The following IL1RAPL1 variants were observed in gnomAD, a reference collection of about 807,000 sequenced individuals.
IL1RAPL1 encodes interleukin 1 receptor accessory protein like 1.
Under a neutral mutation model 48.4 loss-of-function variants are expected in IL1RAPL1, and 3 were observed. The ratio of observed to expected loss-of-function variants is 0.06; its 90% CI spans 0.03 to 0.16. The LOEUF (loss-of-function observed/expected upper bound fraction) is 0.16, where lower values mean the gene tolerates loss of function less well. Ranked by LOEUF, IL1RAPL1 falls within the 10% of genes least tolerant of loss-of-function variation. The probability of loss-of-function intolerance (pLI) is 1.00; values close to 1 mark genes in which losing one functional copy is unlikely to be tolerated. For synonymous variants in IL1RAPL1, 185 were observed against 187.7 expected (o/e 0.99, Z 0.12); for missense variants, 349 against 530.6 (o/e 0.66, Z 3.36).
intron 2 of IL1RAPL1, among the ~76,000 whole-genome samples, chrX:29,180,351 A>G (rs1019874416): frequency 2.7e-5 from 3 of 110,214 alleles, no homozygotes; most frequent in Non-Finnish European, 3.8e-5. Context: ...GTACTTCTCT[A>G]TTTTCAAGAA....
intron 2 of IL1RAPL1, among the ~76,000 whole-genome samples, chrX:28,881,604 G>A (rs561763951): frequency 9.0e-6 from 1 of 111,290 alleles, no homozygotes; most frequent in Non-Finnish European, 1.9e-5. Context: ...AAAGATGCTC[G>A]ATGAGCTAAG....
chrX:29,801,957 A>T (rs1398242930), intron 6 of IL1RAPL1, among the ~76,000 whole-genome samples: 2 of 112,548 alleles, frequency 1.8e-5, no homozygotes, highest in African/African-American at 6.5e-5. Context: ...TACAGGAAAT[A>T]TAATTCTATT....
chrX:29,001,924 T>G (rs182714970), intron 2 of IL1RAPL1, among the ~76,000 whole-genome samples: 2 of 103,987 alleles, frequency 1.9e-5, no homozygotes, highest in Admixed American at 2.1e-4. Flanking sequence ...TTTAACGGAG[T>G]CTGGCTTCGT....
At chrX:28,878,193 A>G (rs1005316833) in intron 2 of IL1RAPL1, among the ~76,000 whole-genome samples, 1 of 111,967 alleles carries the variant, frequency 8.9e-6, no homozygotes, top group African/African-American at 3.2e-5. Flanking sequence ...TGAGCACTGC[A>G]TATGCTTACT....
Position 29,608,387 on chromosome X carries a change from CA to C in IL1RAPL1, c.704-60032del, listed in dbSNP as rs372371455. ...GGTATTACCATCATAGAAGGGGTTT[CA>C]AAAAAAAAAAGGAAGGAAGGAAGGA... On this transcript the variant is annotated intron_variant, in intron 5 of 10. Transcript: ENST00000378993. 8.7e-3 allele frequency among the ~76,000 whole-genome samples: 544 copies of C among 62,349 alleles called. 2 individuals carry two copies. Among genetic ancestry groups the C allele is most frequent in the African/African-American group, 0.024 (446 of 18,219 alleles). 54.1% of individuals were successfully genotyped at this position (62,349 alleles called of 115,157 possible). A position where few individuals can be genotyped will look rare whatever the true frequency, so the allele number is the denominator to read the frequency against.
chrX:29,230,048 A>G (rs771524204), intron 2 of IL1RAPL1, among the ~76,000 whole-genome samples: 1 of 111,943 alleles, frequency 8.9e-6, no homozygotes, highest in Admixed American at 9.5e-5. Flanking sequence ...GACTCAACCC[A>G]TCACAAGAAA....
intron 3 of IL1RAPL1, among the ~76,000 whole-genome samples, chrX:29,335,085 C>G (rs1380332636): frequency 4.5e-5 from 5 of 111,343 alleles, no homozygotes. Flanking sequence ...ACCAGCCCGG[C>G]CAACACAGCA....
Position 28,760,379 on chromosome X carries a change from G to T in IL1RAPL1, c.-24-28941G>T, listed in dbSNP as rs967939960. Among the ~76,000 whole-genome samples the T allele has an allele frequency of 1.3e-4, 14 of 111,383 alleles. No individual in the cohort carries two copies. In the Admixed American group the frequency reaches 1.3e-3, roughly 11 times the overall value. On this transcript the variant is annotated intron_variant, in intron 1 of 10. Coordinates refer to ENST00000378993, the MANE Select transcript of IL1RAPL1 (RefSeq NM_014271.4). ...AATCACAAAAATGAATAGGAAACAG[G>T]GGTCATTGACAATTTGTAGGTCAAC...
At chrX:29,876,462 T>A (rs1264334473) in intron 6 of IL1RAPL1, among the ~76,000 whole-genome samples, 5 of 111,319 alleles carry the variant, frequency 4.5e-5, no homozygotes, top group Non-Finnish European at 9.4e-5. Flanking sequence ...GCCTGGAAAA[T>A]TGCAGTAAAA....
At chrX:29,639,112 G>C (rs915722472) in intron 5 of IL1RAPL1, among the ~76,000 whole-genome samples, 8 of 108,875 alleles carry the variant, frequency 7.3e-5, no homozygotes, top group African/African-American at 2.4e-4. Context: ...CGTGAACCCA[G>C]GAGGCGGAGC....
intron 2 of IL1RAPL1, among the ~76,000 whole-genome samples, chrX:28,988,899 A>G (rs1166393992): frequency 1.8e-5 from 2 of 111,652 alleles, no homozygotes; most frequent in Non-Finnish European, 3.8e-5. Context: ...ATCTGTATAT[A>G]TAATTCCACA....
intron 6 of IL1RAPL1, among the ~76,000 whole-genome samples, chrX:29,748,755 T>C (rs912215532): frequency 5.4e-5 from 6 of 110,305 alleles, no homozygotes; most frequent in African/African-American, 2.0e-4. Context: ...AATATGAAGA[T>C]GACTTCATCA....
chrX:29,203,580 G>A (rs891581387), intron 2 of IL1RAPL1, among the ~76,000 whole-genome samples: 6 of 108,620 alleles, frequency 5.5e-5, no homozygotes, highest in African/African-American at 1.0e-4. Flanking sequence ...TTAGTTGGGC[G>A]TAGTGGCGCA....
At chrX:29,447,317 G>A (rs1307646187) in intron 5 of IL1RAPL1, among the ~76,000 whole-genome samples, 19 of 107,555 alleles carry the variant, frequency 1.8e-4, no homozygotes, top group African/African-American at 5.4e-4. Context: ...AATTATATGC[G>A]CCTCATATTG....
At position 29,407,599 on chromosome X, in the gene IL1RAPL1, C is replaced by G. The variant is rs188757638; in HGVS notation, c.703+8291C>G. On this transcript the variant is annotated intron_variant, in intron 5 of 10. Transcript: ENST00000378993. ...ACCGTCTTATGTACACACATATATA[C>G]ACACAAACACTTACATATTTCCTTG... is the stretch of plus-strand genomic sequence containing the variant. Among the ~76,000 whole-genome samples the G allele has an allele frequency of 3.0e-3, 334 of 111,488 alleles. 5 individuals carry two copies. The highest frequency in any genetic ancestry group is 0.011 in the African/African-American group (318 of 30,263).
intron 9 of IL1RAPL1, among the ~76,000 whole-genome samples, chrX:29,948,985 C>G (rs1933263512): frequency 8.9e-6 from 1 of 112,094 alleles, no homozygotes; most frequent in African/African-American, 3.2e-5. Context: ...CTAGCCAAAT[C>G]CAATACAGCC....
At chrX:29,465,715 T>C (rs1934855067) in intron 5 of IL1RAPL1, among the ~76,000 whole-genome samples, 1 of 111,525 alleles carries the variant, frequency 9.0e-6, no homozygotes, top group Admixed American at 9.6e-5. Flanking sequence ...TATTTCTTCT[T>C]TTAATTAGGT....
At chrX:28,806,421 G>A (rs1936732637) in intron 2 of IL1RAPL1, among the ~76,000 whole-genome samples, 1 of 111,382 alleles carries the variant, frequency 9.0e-6, no homozygotes, top group Non-Finnish European at 1.9e-5. Flanking sequence ...GAGAGATTTT[G>A]CCATGTCTGT....
At chrX:29,374,157 G>A (rs893031729) in intron 3 of IL1RAPL1, among the ~76,000 whole-genome samples, 2 of 105,707 alleles carry the variant, frequency 1.9e-5, no homozygotes, top group Admixed American at 1.1e-4. Flanking sequence ...CGTATAATGA[G>A]TTAGGGAGGG....
Sources: allele counts gnomAD v4.1 joint callset (sites outside exome capture counted in the v4.1 genomes callset), GRCh38; gene constraint gnomAD v4.1.1; transcripts MANE v1.5; gene names NCBI Gene and HGNC (gene_info 2026-07-23, HGNC 2026-07-21).